Variants in CSMD3 observed in about 807,000 individuals in gnomAD.
CSMD3 encodes CUB and sushi domain-containing protein 3.
A neutral mutation model predicts 435.2 loss-of-function variants in CSMD3; 177 were observed. The observed-to-expected ratio is 0.41, with a 90% CI of 0.36 to 0.46. The LOEUF is 0.46. Ranked by LOEUF, CSMD3 falls within the 20% of genes least tolerant of loss-of-function variation. The pLI is 0.34. For synonymous variants in CSMD3, 1,656 were observed against 1,520.5 expected, an observed-to-expected ratio of 1.09 and a Z score of -2.07; for missense variants, 4,265 against 4,504.6, an observed-to-expected ratio of 0.95 and a Z score of 1.52.
At chr8:112,759,746 G>T (rs1290816058) in intron 13 of CSMD3, among the ~76,000 whole-genome samples, 3 of 151,958 alleles carry the variant, frequency 2.0e-5, no homozygotes, top group Non-Finnish European at 2.9e-5. Flanking sequence ...TATTTTCGCA[G>T]CCTTTTAGTG....
intron 22 of CSMD3, among the ~76,000 whole-genome samples, chr8:112,635,800 G>T (rs1001320166): frequency 2.6e-5 from 4 of 152,046 alleles, no homozygotes; most frequent in African/African-American, 9.7e-5. Flanking sequence ...AAGGCAAAAA[G>T]GATATAACTT....
chr8:112,228,110 A>G (rs1165739031), intron 70 of CSMD3, among the ~76,000 whole-genome samples: 1 of 152,246 alleles, frequency 6.6e-6, no homozygotes, highest in East Asian at 1.9e-4. Context: ...TTATCTGGCT[A>G]CCCACATATT....
chr8:113,158,897 C>T lies in CSMD3; in HGVS notation c.709+14825G>A, dbSNP rs577699160. The stretch of plus-strand genomic sequence containing the variant: ...TTGCAACATTTAGGGGGAAATGTGA[C>T]GGAAAAAATAAACAAGACGGTGCCA... On this transcript the variant is annotated intron_variant, in intron 4 of 70. Coordinates refer to ENST00000297405, the MANE Select transcript of CSMD3 (RefSeq NM_198123.2). Among the ~76,000 whole-genome samples the T allele has an allele frequency of 8.6e-5, 13 of 151,824 alleles. No individual in the cohort carries two copies. In the South Asian group the frequency reaches 2.7e-3, roughly 32 times the overall value.
intron 4 of CSMD3, among the ~76,000 whole-genome samples, chr8:113,166,294 C>T (rs543492164): frequency 6.6e-6 from 1 of 152,216 alleles, no homozygotes; most frequent in South Asian, 2.1e-4. Context: ...CACTTGAGGT[C>T]AGGAGTTCAA....
chr8:112,746,251 T>C (rs1460759893), intron 13 of CSMD3, among the ~76,000 whole-genome samples: 1 of 152,202 alleles, frequency 6.6e-6, no homozygotes, highest in East Asian at 1.9e-4. Flanking sequence ...GCCAGCATTA[T>C]TACTGCAATA....
At chr8:113,265,217 G>A (rs1484619207) in intron 3 of CSMD3, among the ~76,000 whole-genome samples, 4 of 151,474 alleles carry the variant, frequency 2.6e-5, no homozygotes, top group Non-Finnish European at 5.9e-5. Context: ...ATTTTTTGAA[G>A]GTAACCAAGG....
chr8:112,797,997 C>T (rs911865140), intron 13 of CSMD3, among the ~76,000 whole-genome samples: 2 of 151,702 alleles, frequency 1.3e-5, no homozygotes, highest in African/African-American at 4.8e-5. Flanking sequence ...ATGGATATTG[C>T]TAGCAGAAAT....
At chr8:112,927,898 T>C (rs2082962607) in intron 9 of CSMD3, among the ~76,000 whole-genome samples, 1 of 152,170 alleles carries the variant, frequency 6.6e-6, no homozygotes. Context: ...ACTGGGTATC[T>C]TGCTTTGTGG....
At chr8:113,284,577 C>T (rs113307845) in intron 2 of CSMD3, among the ~76,000 whole-genome samples, 60 of 152,012 alleles carry the variant, frequency 3.9e-4, no homozygotes, top group African/African-American at 1.3e-3. Flanking sequence ...CAATATAGTT[C>T]GAAAACTTAT....
At chr8:112,625,520 A>G (rs186177779) in intron 22 of CSMD3, among the ~76,000 whole-genome samples, 2 of 152,296 alleles carry the variant, frequency 1.3e-5, no homozygotes, top group Admixed American at 1.3e-4. Context: ...AGATATAACA[A>G]AACATCAACT....
At chr8:113,046,772 C>G (rs1288929104) in intron 5 of CSMD3, among the ~76,000 whole-genome samples, 2 of 152,176 alleles carry the variant, frequency 1.3e-5, no homozygotes, top group African/African-American at 4.8e-5. Flanking sequence ...CTGAGCGGCC[C>G]TGGAAATTTC....
intron 6 of CSMD3, among the ~76,000 whole-genome samples, chr8:112,977,544 G>A (rs2084900191): frequency 6.6e-6 from 1 of 151,910 alleles, no homozygotes; most frequent in Admixed American, 6.6e-5. Flanking sequence ...AATTCAAAAA[G>A]GAAGAAAGGA....
At chr8:113,018,726 T>C (rs2086568107) in intron 6 of CSMD3, 1 of 274,670 alleles carries the variant, frequency 3.6e-6, no homozygotes, top group South Asian at 4.5e-5. Context: ...AGAAAGAGCG[T>C]ACATGCAACT....
At chr8:113,224,404 A>T (rs1458081489) in intron 3 of CSMD3, among the ~76,000 whole-genome samples, 4 of 151,254 alleles carry the variant, frequency 2.6e-5, no homozygotes, top group Non-Finnish European at 5.9e-5. Context: ...ATATTAATGG[A>T]ATTATATAAT....
intron 47 of CSMD3, among the ~76,000 whole-genome samples, chr8:112,316,415 A>T (rs1446393271): frequency 6.6e-6 from 1 of 151,740 alleles, no homozygotes; most frequent in East Asian, 1.9e-4. Flanking sequence ...ATTGGAAATG[A>T]TATGGAATAT....
chr8:112,647,160 G>A (rs1362023897), intron 19 of CSMD3, among the ~76,000 whole-genome samples: 2 of 152,006 alleles, frequency 1.3e-5, no homozygotes, highest in East Asian at 3.9e-4. Context: ...CACATTAAGA[G>A]TACTATTTTA....
intron 32 of CSMD3, among the ~76,000 whole-genome samples, chr8:112,439,313 T>C (rs1385853699): frequency 2.0e-5 from 3 of 152,086 alleles, no homozygotes; most frequent in African/African-American, 4.8e-5. Flanking sequence ...GCTAATTTTT[T>C]GTATTTTTGT....
intron 35 of CSMD3, among the ~76,000 whole-genome samples, chr8:112,401,920 A>G (rs1452602161): frequency 1.3e-5 from 2 of 152,200 alleles, no homozygotes; most frequent in Non-Finnish European, 2.9e-5. Context: ...TTTTAAAAAT[A>G]AAATGTCAAC....
chr8:112,453,659 G>T (rs1416048798), intron 32 of CSMD3, among the ~76,000 whole-genome samples: 5 of 152,060 alleles, frequency 3.3e-5, no homozygotes, highest in African/African-American at 1.2e-4. Context: ...GATTGGAAGG[G>T]TCAATATTGT....
Sources: gnomAD v4.1 joint callset for allele counts (sites outside exome capture counted in the v4.1 genomes callset) on GRCh38, gnomAD v4.1.1 for gene constraint, MANE v1.5 for transcripts, NCBI Gene and HGNC (gene_info 2026-07-23, HGNC 2026-07-21) for gene names.